Variants in QTMAN observed in about 807,000 individuals in gnomAD.
The protein encoded by QTMAN is tRNA-queuosine alpha-mannosyltransferase.
chr2:144,255,879 G>A, the QTMAN span, among the ~76,000 whole-genome samples: 88 of 152,268 alleles, frequency 5.8e-4, no homozygotes, highest in Non-Finnish European at 1.0e-3. Context: ...ATATTGGTTC[G>A]TCTATTGTAA....
chr2:144,182,819 T>TA, the QTMAN span, among the ~76,000 whole-genome samples: 2 of 18,888 alleles, frequency 1.1e-4, no homozygotes, highest in South Asian at 1.4e-3. Context: ...ATATATATAT[T>TA]ATATATATAA....
chr2:143,955,367 G>T, the QTMAN span, among the ~76,000 whole-genome samples: 1 of 152,086 alleles, frequency 6.6e-6, no homozygotes, highest in Admixed American at 6.6e-5. Flanking sequence ...ATTAGTTATT[G>T]TAAGTAACTC....
At chr2:144,133,238 TATATATAA>T in the QTMAN span, among the ~76,000 whole-genome samples, 10 of 48,662 alleles carry the variant, frequency 2.1e-4, no homozygotes, top group African/African-American at 1.9e-3. Context: ...TATTTATATT[TATATATAA>T]ATATATATAA....
the QTMAN span, among the ~76,000 whole-genome samples, chr2:144,227,993 AAAAGAG>A: frequency 6.6e-6 from 1 of 152,224 alleles, no homozygotes; most frequent in South Asian, 2.1e-4. Flanking sequence ...TTTCTAAAGA[AAAAGAG>A]AAAGTATCCA....
chr2:143,997,832 T>C, the QTMAN span, among the ~76,000 whole-genome samples: 1 of 152,068 alleles, frequency 6.6e-6, no homozygotes. Flanking sequence ...CTGAATTTTG[T>C]ATTTTACCCA....
At chr2:144,155,202 C>T in the QTMAN span, among the ~76,000 whole-genome samples, 4 of 152,038 alleles carry the variant, frequency 2.6e-5, no homozygotes, top group African/African-American at 9.7e-5. Flanking sequence ...GCTTCACCAT[C>T]GTAAAGTATT....
chr2:144,005,991 A>G, the QTMAN span: 1 of 152,154 alleles, frequency 6.6e-6, no homozygotes, highest in East Asian at 1.9e-4. Context: ...GCTTTTCAGA[A>G]GGGAGTAAAT....
At chr2:143,995,724 C>T in the QTMAN span, among the ~76,000 whole-genome samples, 1 of 152,120 alleles carries the variant, frequency 6.6e-6, no homozygotes, top group African/African-American at 2.4e-5. Flanking sequence ...AATCAGGAAG[C>T]TTAAAATATA....
chr2:144,108,405 C>A, the QTMAN span, among the ~76,000 whole-genome samples: 1 of 152,128 alleles, frequency 6.6e-6, no homozygotes, highest in African/African-American at 2.4e-5. Context: ...TTTGGGAGAC[C>A]AAGGCGGGCA....
chr2:143,966,632 T>G, the QTMAN span, among the ~76,000 whole-genome samples: 1 of 152,344 alleles, frequency 6.6e-6, no homozygotes, highest in East Asian at 1.9e-4. Context: ...CTTGGGAAAG[T>G]CACTGATTCT....
At chr2:144,104,501 T>A in the QTMAN span, among the ~76,000 whole-genome samples, 1 of 152,114 alleles carries the variant, frequency 6.6e-6, no homozygotes, top group South Asian at 2.1e-4. Flanking sequence ...CACGGAGCCT[T>A]GCTCATTGCT....
At chr2:144,097,064 C>T in the QTMAN span, among the ~76,000 whole-genome samples, 1 of 152,270 alleles carries the variant, frequency 6.6e-6, no homozygotes, top group South Asian at 2.1e-4. Flanking sequence ...CTTTTACATG[C>T]TTTTAAGTGT....
the QTMAN span, chr2:144,177,058 A>AT: frequency 1.5e-6 from 1 of 664,726 alleles, no homozygotes; most frequent in East Asian, 2.7e-5. Context: ...GCCAGATTTC[A>AT]TAAGAATTCT....
At chr2:144,118,316 C>T in the QTMAN span, among the ~76,000 whole-genome samples, 2 of 152,232 alleles carry the variant, frequency 1.3e-5, no homozygotes, top group African/African-American at 4.8e-5. Flanking sequence ...TGAAAAGTTA[C>T]AGTAAGCAAC....
chr2:144,123,802 C>A, the QTMAN span, among the ~76,000 whole-genome samples: 2 of 152,074 alleles, frequency 1.3e-5, no homozygotes, highest in African/African-American at 4.8e-5. Flanking sequence ...GTTTCATATT[C>A]TCTAAATTAG....
the QTMAN span, among the ~76,000 whole-genome samples, chr2:144,115,349 A>C: frequency 1.3e-5 from 2 of 152,262 alleles, no homozygotes; most frequent in African/African-American, 4.8e-5. Flanking sequence ...GGTTTTGTAC[A>C]GCCAAAATTG....
At chr2:143,972,451 T>G in the QTMAN span, among the ~76,000 whole-genome samples, 1 of 152,222 alleles carries the variant, frequency 6.6e-6, no homozygotes, top group East Asian at 1.9e-4. Flanking sequence ...GGTTTTTTTT[T>G]TAATTTTTAT....
At chr2:144,205,690 A>G in the QTMAN span, among the ~76,000 whole-genome samples, 4 of 152,244 alleles carry the variant, frequency 2.6e-5, no homozygotes, top group African/African-American at 9.6e-5. Flanking sequence ...TGATTTCTAA[A>G]TAACAGAGAT....
the QTMAN span, among the ~76,000 whole-genome samples, chr2:143,966,641 C>G: frequency 2.0e-5 from 3 of 152,336 alleles, no homozygotes; most frequent in South Asian, 6.2e-4. Context: ...GTCACTGATT[C>G]TAGATCTCTC....
Sources: allele counts gnomAD v4.1 joint callset (sites outside exome capture counted in the v4.1 genomes callset), GRCh38; gene constraint gnomAD v4.1.1; transcripts MANE v1.5; gene names NCBI Gene and HGNC (gene_info 2026-07-23, HGNC 2026-07-21).